Variants in EEF1AKMT1 observed in about 807,000 individuals in gnomAD.
The protein encoded by EEF1AKMT1 is EEF1A lysine methyltransferase 1.
EEF1AKMT1 carries 18 observed loss-of-function variants against 21.0 expected under a neutral mutation model. That is an observed-to-expected ratio of 0.86 (90% CI 0.59 to 1.27). EEF1AKMT1 has a LOEUF of 1.27. Ranked by LOEUF, EEF1AKMT1 falls within the 50% of genes most tolerant of loss-of-function variation. The pLI, the probability that EEF1AKMT1 is intolerant of heterozygous loss-of-function variation, is 0.00. For missense variants in EEF1AKMT1, 246 were observed against 258.6 expected, an observed-to-expected ratio of 0.95 and a Z score of 0.33; for synonymous variants, 109 against 94.8, an observed-to-expected ratio of 1.15 and a Z score of -0.87.
At chr13:20,730,734 C>T (rs527823460) in intron 4 of EEF1AKMT1, among the ~76,000 whole-genome samples, 1 of 152,126 alleles carries the variant, frequency 6.6e-6, no homozygotes, top group East Asian at 1.9e-4. Context: ...AATCAGCACT[C>T]TCTGAAAAAT....
At chr13:20,764,672 A>G (rs968567903) in intron 1 of EEF1AKMT1, among the ~76,000 whole-genome samples, 11 of 151,990 alleles carry the variant, frequency 7.2e-5, no homozygotes, top group African/African-American at 2.7e-4. Flanking sequence ...TGCTTCATGT[A>G]ATTTAAATTG....
intron 1 of EEF1AKMT1, chr13:20,769,110 G>A (rs2059050981): frequency 6.6e-6 from 1 of 151,986 alleles, no homozygotes; most frequent in South Asian, 2.1e-4. Context: ...TGTGATATGA[G>A]TTTTGTGCAC....
chr13:20,758,037 T>C (rs2058980209), intron 1 of EEF1AKMT1, among the ~76,000 whole-genome samples: 1 of 152,186 alleles, frequency 6.6e-6, no homozygotes. Context: ...TTTTTTGACA[T>C]ATTTTGAAAT....
intron 2 of EEF1AKMT1, among the ~76,000 whole-genome samples, chr13:20,738,861 G>A (rs147888804): frequency 4.1e-4 from 62 of 152,244 alleles, no homozygotes; most frequent in African/African-American, 1.3e-3. Flanking sequence ...AAAACATATG[G>A]TTTCTTTTAG....
intron 3 of EEF1AKMT1, among the ~76,000 whole-genome samples, chr13:20,733,262 A>G (rs1228193474): frequency 6.6e-6 from 1 of 151,940 alleles, no homozygotes; most frequent in Non-Finnish European, 1.5e-5. Context: ...CGCCTGGCTA[A>G]TTTTTGTAAT....
chr13:20,747,014 C>G (rs2058909091), intron 2 of EEF1AKMT1: 1 of 153,346 alleles, frequency 6.5e-6, no homozygotes, highest in African/African-American at 2.4e-5. Context: ...AATAAATGGG[C>G]ACATTTGTTA....
At chr13:20,743,871 T>C (rs1300888566) in intron 2 of EEF1AKMT1, among the ~76,000 whole-genome samples, 1 of 152,006 alleles carries the variant, frequency 6.6e-6, no homozygotes, top group Non-Finnish European at 1.5e-5. Flanking sequence ...CCCCACTGTG[T>C]GATGTTCCCC....
chr13:20,753,511 C>G (rs752634125), intron 2 of EEF1AKMT1, among the ~76,000 whole-genome samples: 5 of 152,102 alleles, frequency 3.3e-5, no homozygotes, highest in Non-Finnish European at 5.9e-5. Context: ...GATGATCTAT[C>G]TAATGTTGGA....
chr13:20,731,205 T>G (rs1221747661), intron 4 of EEF1AKMT1, among the ~76,000 whole-genome samples: 1 of 152,166 alleles, frequency 6.6e-6, no homozygotes, highest in Non-Finnish European at 1.5e-5. Context: ...AGAGATGGAG[T>G]CTTGCTGTGT....
chr13:20,771,145 T>G (rs1348622034), intron 1 of EEF1AKMT1, among the ~76,000 whole-genome samples: 1 of 152,178 alleles, frequency 6.6e-6, no homozygotes, highest in Non-Finnish European at 1.5e-5. Flanking sequence ...GTGCTAAGAT[T>G]ACAAACATGA....
At chr13:20,740,259 C>T (rs904131403) in intron 2 of EEF1AKMT1, among the ~76,000 whole-genome samples, 6 of 152,226 alleles carry the variant, frequency 3.9e-5, no homozygotes, top group African/African-American at 1.4e-4. Flanking sequence ...ACCTGGAACT[C>T]GTGCTGGACT....
At chr13:20,732,341 T>C (rs964488881) in intron 3 of EEF1AKMT1, among the ~76,000 whole-genome samples, 3 of 151,526 alleles carry the variant, frequency 2.0e-5, no homozygotes, top group African/African-American at 7.3e-5. Flanking sequence ...ATTTTTTTTC[T>C]TTTTTTTTGA....
At chr13:20,765,322 T>C (rs2059023125) in intron 1 of EEF1AKMT1, among the ~76,000 whole-genome samples, 1 of 151,690 alleles carries the variant, frequency 6.6e-6, no homozygotes, top group African/African-American at 2.4e-5. Flanking sequence ...TATTGGTGCA[T>C]CTGGACCTTT....
Position 20,729,195 on chromosome 13 carries a change from G to C in EEF1AKMT1, c.530C>G (p.Ala177Gly), listed in dbSNP as rs900637214. 1.2e-6 allele frequency: 2 copies of C among 1,614,138 alleles called. No individual in the cohort carries two copies. Among genetic ancestry groups the C allele is most frequent in the South Asian group, 1.1e-5 (1 of 91,080 alleles). The change falls in exon 5 of 5, where the codon GCA becomes GGA. Residue 177 changes from alanine to glycine, a missense_variant. Coordinates refer to ENST00000382758, the MANE Select transcript of EEF1AKMT1 (RefSeq NM_001318939.2). ...CATCTTCACTCCAAGGAGTTCTGCT[G>C]CCTGTTCTTCCATGATGGCACCTGA... ...LCTGAIMEEQ[A>G]AELLGVKMCT... is the part of the protein sequence containing the mutation.
rs1336379810 is a variant in EEF1AKMT1, at chr13:20,732,905, C to T, written c.228-784G>A. 2.6e-5 allele frequency among the ~76,000 whole-genome samples: 4 copies of T among 152,268 alleles called. No individual in the cohort carries two copies. The East Asian group carries it at 7.7e-4, about 29-fold the overall frequency. On this transcript the variant is annotated intron_variant, in intron 3 of 4. Transcript: ENST00000382758. ...TTCCATAAAGATACATTAAAATGTG[C>T]TCTCACTGCAGACAAGCTATTCTGA...
intron 1 of EEF1AKMT1, among the ~76,000 whole-genome samples, chr13:20,768,303 G>C (rs2059046794): frequency 2.6e-5 from 4 of 152,154 alleles, no homozygotes. Context: ...TTTTAAGACT[G>C]TTAGATAAGA....
At chr13:20,768,674 A>G (rs932242916) in intron 1 of EEF1AKMT1, among the ~76,000 whole-genome samples, 9 of 152,032 alleles carry the variant, frequency 5.9e-5, no homozygotes, top group Admixed American at 3.3e-4. Context: ...CAGGGAAGCC[A>G]AAAGATTGGA....
At chr13:20,769,070 C>T (rs4608189) in intron 1 of EEF1AKMT1, 49,455 of 151,714 alleles carry the variant, frequency 0.33, 10,065 homozygotes, top group East Asian at 0.76. Flanking sequence ...AAAGCAAAAA[C>T]AGACATTCTA....
intron 3 of EEF1AKMT1, 74 bp downstream of exon 3, chr13:20,737,649 C>T: frequency 1.6e-6 from 2 of 1,262,072 alleles, no homozygotes; most frequent in Non-Finnish European, 2.3e-6. Flanking sequence ...AGACTTCTTA[C>T]AAACCATCTG....
Sources: gnomAD v4.1 joint callset for allele counts (sites outside exome capture counted in the v4.1 genomes callset) on GRCh38, gnomAD v4.1.1 for gene constraint, MANE v1.5 for transcripts, NCBI Gene and HGNC (gene_info 2026-07-23, HGNC 2026-07-21) for gene names.